RPN2: variants seen among roughly 807,000 people sequenced by gnomAD.
RPN2 encodes the protein dolichyl-diphosphooligosaccharide--protein glycosyltransferase subunit 2.
A neutral mutation model predicts 71.4 loss-of-function variants in RPN2; 29 were observed. The ratio of observed to expected loss-of-function variants is 0.41; its 90% CI spans 0.30 to 0.55. The LOEUF (loss-of-function observed/expected upper bound fraction) is 0.55, where lower values mean the gene tolerates loss of function less well. RPN2 is among the 20% of genes least tolerant of loss of function. The pLI, the probability that RPN2 is intolerant of heterozygous loss-of-function variation, is 0.35. For synonymous variants in RPN2, 308 were observed against 305.0 expected (o/e 1.01, Z -0.10); for missense variants, 726 against 774.1 (o/e 0.94, Z 0.74).
chr20:37,217,496 T>C (rs2067841022), intron 9 of RPN2, among the ~76,000 whole-genome samples: 5 of 151,910 alleles, frequency 3.3e-5, no homozygotes, highest in African/African-American at 9.7e-5. Context: ...TTTCACTATG[T>C]TGGCCAGGAT....
At chr20:37,185,327 G>A (rs2066983834) in intron 2 of RPN2, among the ~76,000 whole-genome samples, 1 of 151,912 alleles carries the variant, frequency 6.6e-6, no homozygotes, top group African/African-American at 2.4e-5. Context: ...GTTAGAGATG[G>A]GGTTTTGCCA....
At chr20:37,225,601 AG>A in intron 10 of RPN2, 86 bp from the exon 11 acceptor site, 1 of 864,506 alleles carries the variant, frequency 1.2e-6, no homozygotes. Flanking sequence ...AGGGTGGTTG[AG>A]GCAATGAAGT....
chr20:37,225,868 G>C, intron 11 of RPN2, 66 bp downstream of exon 11: 1 of 1,103,350 alleles, frequency 9.1e-7, no homozygotes, highest in South Asian at 1.3e-5. Flanking sequence ...TTTACAATGT[G>C]GTCTATAACA....
At chr20:37,184,706 C>T (rs945693166) in intron 2 of RPN2, among the ~76,000 whole-genome samples, 4 of 152,108 alleles carry the variant, frequency 2.6e-5, no homozygotes, top group African/African-American at 9.7e-5. Flanking sequence ...GCAGGAGAAT[C>T]GTGTGAACCC....
At chr20:37,207,138 C>T (rs963588395) in intron 6 of RPN2, 135 bp from the exon 7 acceptor site, 6 of 717,992 alleles carry the variant, frequency 8.4e-6, no homozygotes, top group South Asian at 1.5e-5. Flanking sequence ...TCTCCATCTA[C>T]GAATTTGGAT....
intron 15 of RPN2, among the ~76,000 whole-genome samples, chr20:37,234,640 CA>C (rs1487851367): frequency 6.6e-5 from 10 of 151,822 alleles, no homozygotes; most frequent in East Asian, 3.9e-4. Flanking sequence ...GCTATTGGAT[CA>C]GGGGTGCCTT....
At chr20:37,209,692 C>T (rs954000915) in intron 7 of RPN2, among the ~76,000 whole-genome samples, 3 of 151,272 alleles carry the variant, frequency 2.0e-5, no homozygotes, top group Non-Finnish European at 2.9e-5. Flanking sequence ...ATGTTGCCCA[C>T]GCTGTTCTTG....
intron 8 of RPN2, among the ~76,000 whole-genome samples, chr20:37,212,032 A>G (rs369936426): frequency 5.9e-5 from 9 of 152,162 alleles, no homozygotes; most frequent in African/African-American, 2.2e-4. Flanking sequence ...CAGCCTCCAA[A>G]GTGCTGGGAT....
At position 37,228,623 on chromosome 20, in the gene RPN2, T is replaced by C; in HGVS notation, c.1373T>C (p.Val458Ala). 6.2e-7 allele frequency: 1 copy of C among 1,614,252 alleles called. No individual in the cohort carries two copies. Among genetic ancestry groups the C allele is most frequent in the South Asian group, 1.1e-5 (1 of 91,086 alleles). ...VFVAEPDNKN[V>A]YKFELDTSER... ...GTTGCCGAGCCAGACAACAAGAACG[T>C]GTACAAGTTTGAACTGGATACCTCT... The change falls in exon 12 of 17, where the codon GTG becomes GCG. Residue 458 changes from valine (V) to alanine (A), a missense_variant. Val to Ala is a moderately conservative substitution (Grantham distance 64). Coordinates refer to ENST00000237530, the MANE Select transcript of RPN2 (RefSeq NM_002951.5).
At chr20:37,195,426 C>A (rs1325090318) in intron 2 of RPN2, among the ~76,000 whole-genome samples, 1 of 152,186 alleles carries the variant, frequency 6.6e-6, no homozygotes, top group East Asian at 1.9e-4. Context: ...GGTTTTATAG[C>A]TCAGACACCA....
At chr20:37,232,435 G>A in intron 14 of RPN2, 44 bp downstream of exon 14, 1 of 1,607,082 alleles carries the variant, frequency 6.2e-7, no homozygotes, top group Non-Finnish European at 8.5e-7. Context: ...TCTGGCGCCA[G>A]ACCCAGCAGA....
At position 37,225,677 on chromosome 20, in the gene RPN2, G is replaced by A. The variant is rs2068058130; in HGVS notation, c.1185-11G>A. On this transcript the variant is annotated splice_polypyrimidine_tract_variant and intron_variant, in intron 10 of 16. Transcript: ENST00000237530. Reference sequence around the variant, plus strand: ...TCCTCTCTGAAGACTAACTCTATATGCCTCTTTCAGGGTGACATACCCAGC... The same window carrying A: ...TCCTCTCTGAAGACTAACTCTATATACCTCTTTCAGGGTGACATACCCAGC... 6.3e-7 allele frequency: 1 copy of A among 1,575,454 alleles called. No homozygotes were observed. The highest frequency in any genetic ancestry group is 8.7e-7 in the Non-Finnish European group (1 of 1,144,678).
intron 6 of RPN2, among the ~76,000 whole-genome samples, chr20:37,206,996 C>G (rs756727308): frequency 3.3e-5 from 5 of 152,146 alleles, no homozygotes; most frequent in Non-Finnish European, 7.4e-5. Context: ...CAGGCGTGAG[C>G]CACTGCACCT....
At chr20:37,179,570 GTGCC>G (rs892663542) in intron 1 of RPN2, 2 of 1,335,482 alleles carry the variant, frequency 1.5e-6, no homozygotes, top group African/African-American at 3.0e-5. Context: ...GGCGGGGTTG[GTGCC>G]TGGGGGAGGG....
In RPN2 at chr20:37,207,371, G is replaced by A. The variant is rs376371326; in HGVS notation, c.789G>A (p.Ser263=). Residue 263 remains serine, a synonymous_variant, in exon 7 of 17, where the codon TCG becomes TCA. Transcript: ENST00000237530. ...FSVASAAAVL[S]HNRYHVPVVV... is the part of the protein sequence containing the mutation. ...TGGCCTCTGCAGCTGCTGTGCTCTC[G>A]CATAATCGCTACCACGTGCCAGTTG... 6.8e-6 allele frequency: 11 copies of A among 1,613,924 alleles called. No individual in the cohort carries two copies. Among genetic ancestry groups the A allele is most frequent in the Admixed American group, 5.0e-5 (3 of 60,006 alleles).
chr20:37,200,476 G>A (rs769434893), intron 4 of RPN2: 1 of 532,898 alleles, frequency 1.9e-6, no homozygotes, highest in Non-Finnish European at 3.9e-6. Flanking sequence ...CTGGAATCCC[G>A]TTCGTTGTTT....
At chr20:37,198,746 T>C (rs902944558) in intron 3 of RPN2, among the ~76,000 whole-genome samples, 20 of 152,208 alleles carry the variant, frequency 1.3e-4, no homozygotes, top group African/African-American at 4.6e-4. Context: ...ATTTTTTCCT[T>C]TCCATCTGCC....
At chr20:37,205,049 TAGAA>T (rs2067481669) in intron 6 of RPN2, 148 bp downstream of exon 6, 7 of 1,175,022 alleles carry the variant, frequency 6.0e-6, no homozygotes, top group East Asian at 2.5e-5. Context: ...GAATGAGAAA[TAGAA>T]AGATGTAATG....
chr20:37,192,087 G>A (rs1191416412), intron 2 of RPN2, among the ~76,000 whole-genome samples: 1 of 152,128 alleles, frequency 6.6e-6, no homozygotes, highest in Non-Finnish European at 1.5e-5. Context: ...GGGCAACAAA[G>A]CAAGACCCTG....
Sources: allele counts gnomAD v4.1 joint callset (sites outside exome capture counted in the v4.1 genomes callset), GRCh38; gene constraint gnomAD v4.1.1; transcripts MANE v1.5; gene names NCBI Gene and HGNC (gene_info 2026-07-23, HGNC 2026-07-21).